RBMS2: variants seen among roughly 807,000 people sequenced by gnomAD.
RBMS2 encodes RNA binding motif single stranded interacting protein 2, also known as RNA-binding motif, single-stranded-interacting protein 2.
RBMS2 carries 38 observed loss-of-function variants against 58.4 expected under a neutral mutation model. The observed-to-expected ratio is 0.65, with a 90% CI of 0.50 to 0.85. The LOEUF (loss-of-function observed/expected upper bound fraction) is 0.85. Ranked by LOEUF, RBMS2 falls within the 40% of genes least tolerant of loss-of-function variation. The pLI is 0.00. For synonymous variants in RBMS2, 151 were observed against 180.7 expected (o/e 0.84, Z 1.32); for missense variants, 367 against 503.7 (o/e 0.73, Z 2.60).
rs1411238085 is a variant in RBMS2 at position 56,589,789 on chromosome 12, C to T, written c.*656C>T. On this transcript the variant is annotated 3_prime_UTR_variant, in exon 14 of 14. Transcript: ENST00000262031. ...TTTTCTCTTTTCTAAACAGCTGAGCCTGCCTACTTTGCCCTTTTACAGCTT... is the reference window on the plus strand; with the variant it reads ...TTTTCTCTTTTCTAAACAGCTGAGCTTGCCTACTTTGCCCTTTTACAGCTT... The T allele has an allele frequency of 6.6e-6, 1 of 152,670 alleles. No individual in the cohort carries two copies. The highest frequency in any genetic ancestry group is 1.5e-5 in the Non-Finnish European group (1 of 68,080). The allele number at this position is 152,670 out of a possible 1,614,324, so 9.5% of individuals were successfully genotyped here.
chr12:56,555,407 TC>T (rs1198639629), intron 1 of RBMS2, among the ~76,000 whole-genome samples: 3 of 144,756 alleles, frequency 2.1e-5, no homozygotes, highest in Non-Finnish European at 4.5e-5. Context: ...GCCATTGTAC[TC>T]CAGCCTGGGC....
intron 1 of RBMS2, among the ~76,000 whole-genome samples, chr12:56,523,605 C>T (rs1198952751): frequency 6.6e-6 from 1 of 151,828 alleles, no homozygotes; most frequent in African/African-American, 2.4e-5. Context: ...ATGGTGAAAC[C>T]CCAAATTAGC....
chr12:56,545,506 C>A (rs1343621058), intron 1 of RBMS2, among the ~76,000 whole-genome samples: 1 of 152,150 alleles, frequency 6.6e-6, no homozygotes, highest in Non-Finnish European at 1.5e-5. Context: ...GCATCCACTA[C>A]CATAATCAAT....
chr12:56,580,302 G>A (rs1290177599), intron 5 of RBMS2: 6 of 395,596 alleles, frequency 1.5e-5, no homozygotes, highest in African/African-American at 4.9e-5. Context: ...GCGTGATCTC[G>A]ACTCACTACA....
Position 56,595,671 on chromosome 12 carries a change from C to G in RBMS2, c.*6538C>G, listed in dbSNP as rs1885717228. ...GGTCCCATATTTGCTATGACAGGAACACAGAGGTGGCAGCTTAGGAAGCTG... is the reference window on the plus strand; with the variant it reads ...GGTCCCATATTTGCTATGACAGGAAGACAGAGGTGGCAGCTTAGGAAGCTG... On this transcript the variant is annotated 3_prime_UTR_variant, in exon 14 of 14. Coordinates refer to ENST00000262031, the MANE Select transcript of RBMS2 (RefSeq NM_002898.4). The G allele has an allele frequency of 6.6e-6, 1 of 152,064 alleles. No individual in the cohort carries two copies. The highest frequency in any genetic ancestry group is 6.6e-5 in the Admixed American group (1 of 15,252). 9.4% of individuals were successfully genotyped at this position (152,064 alleles called of 1,614,324 possible).
intron 1 of RBMS2, among the ~76,000 whole-genome samples, chr12:56,530,592 T>C (rs138994487): frequency 1.0e-3 from 159 of 152,188 alleles, no homozygotes; most frequent in African/African-American, 3.4e-3. Flanking sequence ...ACTCCTGGGC[T>C]CAAGTGATTC....
intron 1 of RBMS2, among the ~76,000 whole-genome samples, chr12:56,557,014 C>G (rs1879346736): frequency 1.3e-5 from 2 of 152,028 alleles, no homozygotes; most frequent in South Asian, 2.1e-4. Flanking sequence ...GCTTTTTGCT[C>G]TATAGTAAGC....
At position 56,592,141 on chromosome 12, in the gene RBMS2, G is replaced by A. The variant is rs1885347236; in HGVS notation, c.*3008G>A. ...ACATAGGGGAGCCTTCCAGCTCACAGCCAAGGGTTGGGCTCTTAAACACTA... is the reference window on the plus strand; with the variant it reads ...ACATAGGGGAGCCTTCCAGCTCACAACCAAGGGTTGGGCTCTTAAACACTA... On this transcript the variant is annotated 3_prime_UTR_variant, in exon 14 of 14. Coordinates refer to ENST00000262031, the MANE Select transcript of RBMS2 (RefSeq NM_002898.4). 1 of 152,240 alleles carries A rather than the reference G, an allele frequency of 6.6e-6. No homozygotes were observed. The highest frequency in any genetic ancestry group is 1.9e-4 in the East Asian group (1 of 5,200). The allele number at this position is 152,240 out of a possible 1,614,324, so 9.4% of individuals were successfully genotyped here.
In RBMS2 at chr12:56,595,024, A is replaced by C. The variant is rs1303890751; in HGVS notation, c.*5891A>C. On this transcript the variant is annotated 3_prime_UTR_variant, in exon 14 of 14. Transcript: ENST00000262031. Reference sequence around the variant, plus strand: ...TCACTGATCGCCCTAGAATAGTGTGAACTCTCCAGATAGGTCCTGCTGTGA... The same window carrying C: ...TCACTGATCGCCCTAGAATAGTGTGCACTCTCCAGATAGGTCCTGCTGTGA... The C allele has an allele frequency of 6.6e-6, 1 of 152,236 alleles. No individual in the cohort carries two copies. Among genetic ancestry groups the C allele is most frequent in the Non-Finnish European group, 1.5e-5 (1 of 68,050 alleles). The allele number at this position is 152,236 out of a possible 1,614,324, so 9.4% of individuals were successfully genotyped here.
intron 1 of RBMS2, among the ~76,000 whole-genome samples, chr12:56,538,150 A>G (rs2694913): frequency 6.6e-6 from 1 of 151,730 alleles, no homozygotes; most frequent in African/African-American, 2.4e-5. Flanking sequence ...CTCCTGCCTC[A>G]GCCTCCCGGG....
At chr12:56,524,629 G>A (rs1366475913) in intron 1 of RBMS2, among the ~76,000 whole-genome samples, 1 of 151,926 alleles carries the variant, frequency 6.6e-6, no homozygotes, top group Non-Finnish European at 1.5e-5. Context: ...TGGCCAGGCT[G>A]GTCTCAAACT....
At chr12:56,571,933 G>A in intron 5 of RBMS2, 78 bp downstream of exon 5, 6 of 1,296,502 alleles carry the variant, frequency 4.6e-6, no homozygotes, top group Non-Finnish European at 6.1e-6. Context: ...CAAAATCTAT[G>A]CCTTTCCCAC....
chr12:56,562,215 T>C (rs1349209276), intron 1 of RBMS2, among the ~76,000 whole-genome samples: 1 of 152,202 alleles, frequency 6.6e-6, no homozygotes, highest in Non-Finnish European at 1.5e-5. Flanking sequence ...TTTTAAGTCT[T>C]TGGGCTATCT....
chr12:56,586,953 C>T lies in RBMS2; in HGVS notation c.951+27C>T, dbSNP rs766758231. The T allele has an allele frequency of 5.6e-6, 9 of 1,593,470 alleles. No homozygotes were observed. In the Admixed American group the frequency reaches 1.5e-4, roughly 27 times the overall value. ...TGAGTATTCAGAAGTGGGCAGAAGCCAAAGAGGCAATTTGATGTAAAGAAA... is the reference window on the plus strand; with the variant it reads ...TGAGTATTCAGAAGTGGGCAGAAGCTAAAGAGGCAATTTGATGTAAAGAAA... On this transcript the variant is annotated intron_variant, in intron 10 of 13. Transcript: ENST00000262031.
At chr12:56,546,204 A>G (rs1166040985) in intron 1 of RBMS2, among the ~76,000 whole-genome samples, 1 of 148,464 alleles carries the variant, frequency 6.7e-6, no homozygotes, top group Non-Finnish European at 1.5e-5. Context: ...TGTAAGCTCC[A>G]CCTCCCGGGT....
chr12:56,579,426 G>A (rs1488769679), intron 5 of RBMS2, among the ~76,000 whole-genome samples: 1 of 152,042 alleles, frequency 6.6e-6, no homozygotes, highest in Non-Finnish European at 1.5e-5. Context: ...GTCAGGAGAT[G>A]GAGACCATTC....
Position 56,553,751 on chromosome 12 carries a change from G to T in RBMS2, c.67-8666G>T, listed in dbSNP as rs111965447. Among the ~76,000 whole-genome samples, 191 of 152,000 alleles carry T rather than the reference G, an allele frequency of 1.3e-3. 1 individual carries two copies. Among genetic ancestry groups the T allele is most frequent in the African/African-American group, 4.1e-3 (172 of 41,472 alleles). On this transcript the variant is annotated intron_variant, in intron 1 of 13. Coordinates refer to ENST00000262031, the MANE Select transcript of RBMS2 (RefSeq NM_002898.4). ...CAAAGTGCTGAGATTACAAGTTTGAGCCACTGCATCTGACGAAGAGTCTGT... is the reference window on the plus strand; with the variant it reads ...CAAAGTGCTGAGATTACAAGTTTGATCCACTGCATCTGACGAAGAGTCTGT...
At position 56,581,402 on chromosome 12, in the gene RBMS2, C is replaced by T; in HGVS notation, c.626C>T (p.Pro209Leu). 1 of 1,614,160 alleles carries T rather than the reference C, an allele frequency of 6.2e-7. No homozygotes were observed. The highest frequency in any genetic ancestry group is 8.5e-7 in the Non-Finnish European group (1 of 1,180,014). Residue 209 changes from proline (P) to leucine (L), a missense_variant, in exon 7 of 14, where the codon CCA (proline) becomes CTA (leucine). By Grantham distance (98) the Pro-to-Leu change is moderately conservative. This residue lies in a region of RBMS2 where 220 missense variants were observed against 261.1 expected (regional missense o/e 0.84). Coordinates refer to ENST00000262031, the MANE Select transcript of RBMS2 (RefSeq NM_002898.4). ...YIKTPPGVPA[P>L]SDPLLCKFAD... ...CATCTGCCTTCTCTCTCGGCAGCCC[C>T]ATCCGATCCCTTGCTTTGCAAATTT... is the stretch of plus-strand genomic sequence containing the variant.
rs763428903 is a variant in RBMS2, at chr12:56,581,412, C to T, written c.636C>T (p.Pro212=). ...TPPGVPAPSD[P]LLCKFADGGP... ...CTCTCTCGGCAGCCCCATCCGATCC[C>T]TTGCTTTGCAAATTTGCTGATGGCG... is the stretch of plus-strand genomic sequence containing the variant. The change falls in exon 7 of 14, where the codon CCC becomes CCT. Residue 212 remains proline (P), a synonymous_variant. Transcript: ENST00000262031. 3.7e-6 allele frequency: 6 copies of T among 1,614,122 alleles called. No individual in the cohort carries two copies. In the Admixed American group the frequency reaches 5.0e-5, roughly 13 times the overall value.
Sources: allele counts gnomAD v4.1 joint callset (sites outside exome capture counted in the v4.1 genomes callset), GRCh38; gene constraint gnomAD v4.1.1; regional missense constraint gnomAD v4.1.1; transcripts MANE v1.5; gene names NCBI Gene and HGNC (gene_info 2026-07-23, HGNC 2026-07-21).